Variants in LINGO2 observed in about 807,000 individuals in gnomAD.
LINGO2 encodes leucine rich repeat and Ig domain containing 2.
LINGO2 carries 14 observed loss-of-function variants against 30.6 expected under a neutral mutation model. The ratio of observed to expected loss-of-function variants is 0.46; its 90% CI spans 0.30 to 0.72. The LOEUF (loss-of-function observed/expected upper bound fraction) is 0.72. LINGO2 is among the 30% of genes least tolerant of loss of function. The pLI, the probability that LINGO2 is intolerant of heterozygous loss-of-function variation, is 0.07. For synonymous variants in LINGO2, 317 were observed against 288.5 expected (o/e 1.10, Z -1.00); for missense variants, 729 against 751.7 (o/e 0.97, Z 0.35).
chr9:28,727,608 T>C, the LINGO2 span, among the ~76,000 whole-genome samples: 1 of 152,042 alleles, frequency 6.6e-6, no homozygotes, highest in Non-Finnish European at 1.5e-5. Flanking sequence ...AAAAATACTT[T>C]TGTCACCACT....
In LINGO2 at chr9:28,549,860, G is replaced by A. The variant is rs189615256; in HGVS notation, c.-364-73835C>T. Among the ~76,000 whole-genome samples the A allele has an allele frequency of 3.4e-3, 508 of 150,876 alleles. 4 individuals carry two copies. The highest frequency in any genetic ancestry group is 0.011 in the Middle Eastern group (3 of 284). ...TTTCTCATACTCTTTAATAGTTCTC[G>A]AAAATATCATTTTACCCTCCATTTT... On this transcript the variant is annotated intron_variant, in intron 1 of 5. Transcript: ENST00000379992.
intron 4 of LINGO2, among the ~76,000 whole-genome samples, chr9:28,099,893 G>C (rs1467625429): frequency 1.3e-5 from 2 of 152,070 alleles, no homozygotes; most frequent in Non-Finnish European, 2.9e-5. Flanking sequence ...TGCTCCCTCT[G>C]TCTGAATGTT....
chr9:28,865,362 T>A, the LINGO2 span, among the ~76,000 whole-genome samples: 1 of 152,116 alleles, frequency 6.6e-6, no homozygotes, highest in African/African-American at 2.4e-5. Flanking sequence ...CAGCTCTTCA[T>A]CAAGTGTCAC....
intron 4 of LINGO2, among the ~76,000 whole-genome samples, chr9:28,239,403 C>T (rs957200385): frequency 1.3e-5 from 2 of 152,036 alleles, no homozygotes; most frequent in Admixed American, 6.5e-5. Context: ...TACTAGTAAA[C>T]TAAATTCAAC....
the LINGO2 span, among the ~76,000 whole-genome samples, chr9:29,006,150 A>G: frequency 6.6e-6 from 1 of 151,646 alleles, no homozygotes; most frequent in African/African-American, 2.4e-5. Flanking sequence ...TATTCAATAA[A>G]CAACAGATTT....
chr9:28,033,991 T>C (rs778517837), intron 4 of LINGO2, among the ~76,000 whole-genome samples: 1 of 152,232 alleles, frequency 6.6e-6, no homozygotes, highest in African/African-American at 2.4e-5. Context: ...TTCATTTGTA[T>C]GAGCTTCTGT....
the LINGO2 span, among the ~76,000 whole-genome samples, chr9:29,112,315 T>A: frequency 6.6e-6 from 1 of 152,092 alleles, no homozygotes; most frequent in African/African-American, 2.4e-5. Flanking sequence ...GAAGTGCAAT[T>A]TTTTGGGCTC....
chr9:28,301,283 A>C (rs930158350), intron 3 of LINGO2, among the ~76,000 whole-genome samples: 4 of 151,694 alleles, frequency 2.6e-5, no homozygotes, highest in African/African-American at 9.7e-5. Flanking sequence ...CTTTGTAACT[A>C]TTGAGGAGTC....
chr9:29,085,301 AAAAAAAAAAAG>A, the LINGO2 span, among the ~76,000 whole-genome samples: 1 of 147,764 alleles, frequency 6.8e-6, no homozygotes, highest in African/African-American at 2.5e-5. Context: ...AAAAAAAAAA[AAAAAAAAAAAG>A]AATAAATTAA....
At chr9:28,209,883 C>A (rs1217978328) in intron 4 of LINGO2, among the ~76,000 whole-genome samples, 1 of 151,536 alleles carries the variant, frequency 6.6e-6, no homozygotes, top group Non-Finnish European at 1.5e-5. Context: ...TCCTCCCAGG[C>A]TTATAATCAT....
intron 4 of LINGO2, among the ~76,000 whole-genome samples, chr9:28,091,312 C>T (rs1826078081): frequency 6.6e-6 from 1 of 152,190 alleles, no homozygotes; most frequent in African/African-American, 2.4e-5. Context: ...TGACTTCAAA[C>T]TATACTAGAA....
chr9:28,130,863 G>A lies in LINGO2; in HGVS notation c.-86-118458C>T, dbSNP rs146570704. The stretch of plus-strand genomic sequence containing the variant: ...TATGTACATATGTTCCCATGAATGC[G>A]TTTGAGGCCTTTCAAAATAGGGCCT... On this transcript the variant is annotated intron_variant, in intron 4 of 5. Transcript: ENST00000379992. This position sits in a 1 kb window ranked among gnomAD's most constrained non-coding sequence, Gnocchi z 5.2. Among the ~76,000 whole-genome samples the A allele has an allele frequency of 1.6e-4, 25 of 152,206 alleles. No homozygotes were observed. The highest frequency in any genetic ancestry group is 5.1e-4 in the African/African-American group (21 of 41,546).
chr9:28,729,112 T>A, the LINGO2 span, among the ~76,000 whole-genome samples: 2 of 152,252 alleles, frequency 1.3e-5, no homozygotes, highest in African/African-American at 4.8e-5. Flanking sequence ...TGAATCTTGA[T>A]CTCTCTTGCC....
intron 4 of LINGO2, among the ~76,000 whole-genome samples, chr9:28,212,041 T>C (rs900503223): frequency 5.9e-5 from 9 of 151,438 alleles, no homozygotes; most frequent in African/African-American, 2.2e-4. Flanking sequence ...GAAGACACTG[T>C]AGCATAATGA....
At chr9:28,564,477 C>A (rs959062029) in intron 1 of LINGO2, among the ~76,000 whole-genome samples, 5 of 152,028 alleles carry the variant, frequency 3.3e-5, no homozygotes, top group African/African-American at 1.2e-4. Flanking sequence ...TACAACTAAC[C>A]AAGTTCTTGT....
At chr9:28,387,556 T>C (rs1821639062) in intron 2 of LINGO2, among the ~76,000 whole-genome samples, 1 of 152,192 alleles carries the variant, frequency 6.6e-6, no homozygotes, top group Admixed American at 6.5e-5. Flanking sequence ...TGCTCACTCT[T>C]TGGGTCCACA....
At chr9:29,101,334 A>T in the LINGO2 span, among the ~76,000 whole-genome samples, 1 of 152,220 alleles carries the variant, frequency 6.6e-6, no homozygotes, top group Non-Finnish European at 1.5e-5. Flanking sequence ...TTAAGAAACT[A>T]TTCAGTGTAG....
At chr9:28,359,216 G>T (rs1820350285) in intron 3 of LINGO2, among the ~76,000 whole-genome samples, 1 of 152,114 alleles carries the variant, frequency 6.6e-6, no homozygotes, top group Non-Finnish European at 1.5e-5. Context: ...TGAGGAGAAA[G>T]TCCCCCTGAG....
the LINGO2 span, among the ~76,000 whole-genome samples, chr9:28,992,768 G>A: frequency 7.9e-4 from 120 of 152,004 alleles, 3 homozygotes; most frequent in Middle Eastern, 0.02. Flanking sequence ...GTGGCTACTG[G>A]GTACATAACG....
Sources: gnomAD v4.1 joint callset for allele counts (sites outside exome capture counted in the v4.1 genomes callset) on GRCh38, gnomAD v4.1.1 for gene constraint, Gnocchi (gnomAD v3.1) non-coding constraint, MANE v1.5 for transcripts, NCBI Gene and HGNC (gene_info 2026-07-23, HGNC 2026-07-21) for gene names.